ASIC2: variants seen among roughly 807,000 people sequenced by gnomAD.
ASIC2 encodes acid sensing ion channel subunit 2.
In ASIC2, 25 loss-of-function variants were observed where a neutral mutation model predicts 57.3. The observed-to-expected ratio is 0.44, with a 90% CI of 0.32 to 0.61. ASIC2 has a LOEUF of 0.61. Ranked by LOEUF, ASIC2 falls within the 20% of genes least tolerant of loss-of-function variation. The pLI, the probability that ASIC2 is intolerant of heterozygous loss-of-function variation, is 0.06. For synonymous variants in ASIC2, 319 were observed against 307.5 expected (o/e 1.04, Z -0.39); for missense variants, 641 against 738.1 (o/e 0.87, Z 1.52).
At chr17:33,329,822 G>A (rs1291076149) in intron 1 of ASIC2, among the ~76,000 whole-genome samples, 1 of 152,174 alleles carries the variant, frequency 6.6e-6, no homozygotes, top group Non-Finnish European at 1.5e-5. Flanking sequence ...ATGAGTCTGT[G>A]GAACTATCAA....
At chr17:33,241,708 C>G (rs994656561) in intron 1 of ASIC2, among the ~76,000 whole-genome samples, 21 of 152,146 alleles carry the variant, frequency 1.4e-4, no homozygotes. Context: ...GGATTCTACC[C>G]AGGACACATG....
intron 1 of ASIC2, chr17:33,792,503 A>G (rs1216874024): frequency 6.6e-6 from 1 of 152,226 alleles, no homozygotes; most frequent in Non-Finnish European, 1.5e-5. Flanking sequence ...CGGTCAAAAT[A>G]CAGAGATTAA....
chr17:33,640,502 G>A (rs946020878), intron 1 of ASIC2, among the ~76,000 whole-genome samples: 1 of 152,226 alleles, frequency 6.6e-6, no homozygotes, highest in Non-Finnish European at 1.5e-5. Flanking sequence ...AGCACGGACT[G>A]TGAACGGCAT....
chr17:33,223,183 CTTTTTCT>C (rs1260641803), intron 1 of ASIC2, among the ~76,000 whole-genome samples: 1 of 151,504 alleles, frequency 6.6e-6, no homozygotes, highest in Non-Finnish European at 1.5e-5. Flanking sequence ...TCTTTCTTTT[CTTTTTCT>C]TTTTTCTTTT....
chr17:33,608,538 G>T (rs1368926190), intron 1 of ASIC2, among the ~76,000 whole-genome samples: 1 of 151,572 alleles, frequency 6.6e-6, no homozygotes, highest in Non-Finnish European at 1.5e-5. Flanking sequence ...TATGCATGGT[G>T]GGGTGGAATT....
At chr17:34,015,497 T>G (rs1306828110) in intron 1 of ASIC2, among the ~76,000 whole-genome samples, 1 of 152,238 alleles carries the variant, frequency 6.6e-6, no homozygotes, top group Non-Finnish European at 1.5e-5. Flanking sequence ...CTCAGCTTCA[T>G]GAGGCCCAGG....
intron 1 of ASIC2, among the ~76,000 whole-genome samples, chr17:33,902,849 C>T (rs1420734165): frequency 2.0e-5 from 3 of 152,164 alleles, no homozygotes; most frequent in Non-Finnish European, 2.9e-5. Context: ...GCCATTTCCC[C>T]AAAACCATCA....
intron 3 of ASIC2, among the ~76,000 whole-genome samples, chr17:33,070,627 C>CGCCCA (rs1448538298): frequency 6.6e-6 from 1 of 152,172 alleles, no homozygotes; most frequent in Admixed American, 6.5e-5. Context: ...TGAGCCACCA[C>CGCCCA]GCCCAGCCTT....
At chr17:34,095,892 G>A (rs1436491052) in intron 1 of ASIC2, among the ~76,000 whole-genome samples, 5 of 151,534 alleles carry the variant, frequency 3.3e-5, no homozygotes, top group African/African-American at 1.2e-4. Context: ...ACTGTACTAG[G>A]TTCCTTGCCT....
At chr17:33,921,529 C>T (rs939810212) in intron 1 of ASIC2, among the ~76,000 whole-genome samples, 3 of 151,994 alleles carry the variant, frequency 2.0e-5, no homozygotes, top group Non-Finnish European at 2.9e-5. Context: ...GGACATGGGA[C>T]AGAAGGCAAG....
chr17:33,241,686 C>A (rs1229590938), intron 1 of ASIC2, among the ~76,000 whole-genome samples: 1 of 152,192 alleles, frequency 6.6e-6, no homozygotes, highest in Non-Finnish European at 1.5e-5. Context: ...AATCCTGTGG[C>A]CTAATTCCAC....
At chr17:33,436,853 C>CTTCTTTTTTTTTTTTT (rs1356302162) in intron 1 of ASIC2, among the ~76,000 whole-genome samples, 1 of 66,596 alleles carries the variant, frequency 1.5e-5, no homozygotes, top group Admixed American at 2.1e-4. Flanking sequence ...ATTCCAACTT[C>CTTCTTTTTTTTTTTTT]TTTTTTTTTT....
intron 1 of ASIC2, among the ~76,000 whole-genome samples, chr17:33,856,990 G>T (rs923511416): frequency 6.6e-6 from 1 of 152,094 alleles, no homozygotes; most frequent in Non-Finnish European, 1.5e-5. Context: ...CACCCAAGGG[G>T]ACCCCACCTA....
chr17:33,825,798 C>T (rs975173146), intron 1 of ASIC2, among the ~76,000 whole-genome samples: 1 of 152,146 alleles, frequency 6.6e-6, no homozygotes, highest in Non-Finnish European at 1.5e-5. Flanking sequence ...CTAAAAGAAG[C>T]TGTATCCAAA....
chr17:33,937,785 T>G (rs564675385), intron 1 of ASIC2, among the ~76,000 whole-genome samples: 17 of 152,236 alleles, frequency 1.1e-4, no homozygotes, highest in Admixed American at 2.6e-4. Flanking sequence ...TCATTGAGAG[T>G]TTTGTTTGTT....
chr17:33,258,024 TG>T (rs1368794808), intron 1 of ASIC2, among the ~76,000 whole-genome samples: 2 of 152,232 alleles, frequency 1.3e-5, no homozygotes, highest in Non-Finnish European at 2.9e-5. Flanking sequence ...TGTAAGTGCT[TG>T]ATAAACAAGT....
At chr17:33,886,353 G>A (rs1216767963) in intron 1 of ASIC2, among the ~76,000 whole-genome samples, 1 of 152,116 alleles carries the variant, frequency 6.6e-6, no homozygotes, top group East Asian at 1.9e-4. Flanking sequence ...TCCAGAGAGG[G>A]ATTCCGATCG....
intron 1 of ASIC2, among the ~76,000 whole-genome samples, chr17:33,722,069 G>T (rs1305903237): frequency 1.3e-5 from 2 of 152,156 alleles, no homozygotes; most frequent in African/African-American, 4.8e-5. Context: ...TCTGTGTCCC[G>T]ACCCAAATCT....
intron 2 of ASIC2, among the ~76,000 whole-genome samples, chr17:33,101,949 A>G (rs2092213634): frequency 2.6e-5 from 4 of 151,986 alleles, no homozygotes; most frequent in Admixed American, 2.6e-4. Context: ...ACTCTATGGC[A>G]GAGCTGTAAA....
Sources: gnomAD v4.1 joint callset for allele counts (sites outside exome capture counted in the v4.1 genomes callset) on GRCh38, gnomAD v4.1.1 for gene constraint, MANE v1.5 for transcripts, NCBI Gene and HGNC (gene_info 2026-07-23, HGNC 2026-07-21) for gene names.